The following ZFP28 variants were observed in gnomAD, a reference collection of about 807,000 sequenced individuals.
ZFP28 encodes the protein ZFP28 zinc finger protein, also known as zinc finger protein 28 homolog.
ZFP28 carries 31 observed loss-of-function variants against 39.5 expected under a neutral mutation model. The observed-to-expected ratio is 0.79, with a 90% CI of 0.59 to 1.06. ZFP28 has a LOEUF of 1.06. ZFP28 is among the 50% of genes least tolerant of loss of function. The probability of loss-of-function intolerance (pLI) is 0.00; values close to 1 mark genes in which losing one functional copy is unlikely to be tolerated. For missense variants in ZFP28, 925 were observed against 1,048.4 expected (o/e 0.88, Z 1.63); for synonymous variants, 400 against 378.6 (o/e 1.06, Z -0.66).
chr19:56,540,910 CAGT>C, intron 2 of ZFP28, among the ~76,000 whole-genome samples: 1 of 105,302 alleles, frequency 9.5e-6, no homozygotes, highest in Non-Finnish European at 1.9e-5. Flanking sequence ...GTTTTTGCCA[CAGT>C]TCTTACCTCC....
At chr19:56,551,781 CTCT>C (rs1166553959) in intron 7 of ZFP28, 1 of 983,936 alleles carries the variant, frequency 1.0e-6, no homozygotes, top group African/African-American at 1.8e-5. Context: ...TTTGGTTTTT[CTCT>C]TATCTTCTTG....
intron 2 of ZFP28, among the ~76,000 whole-genome samples, chr19:56,541,007 C>T (rs1369896667): frequency 6.6e-6 from 1 of 152,152 alleles, no homozygotes; most frequent in Non-Finnish European, 1.5e-5. Flanking sequence ...GGATAGTAGC[C>T]TGTTCCTTGT....
chr19:56,548,029 T>C (rs753339775), intron 4 of ZFP28, 127 bp downstream of exon 4: 57 of 796,786 alleles, frequency 7.2e-5, no homozygotes, highest in Non-Finnish European at 9.8e-5. Flanking sequence ...TTTTTACTAT[T>C]TGGGAATACA....
chr19:56,540,830 A>G (rs988372636), intron 2 of ZFP28, among the ~76,000 whole-genome samples: 3 of 152,164 alleles, frequency 2.0e-5, no homozygotes, highest in Admixed American at 2.0e-4. Context: ...CTGTCCTTCA[A>G]TAGGCCCCCT....
In ZFP28 at chr19:56,555,734, AG is replaced by A. The variant is rs1259932943; in HGVS notation, c.*343del. ...TCTATCAGGAACAGAATTCTCCAGT[AG>A]TGGGTGAGGTTTTGCCTTTGTTGGT... On this transcript the variant is annotated 3_prime_UTR_variant, in exon 8 of 8. Transcript: ENST00000301318. The A allele has an allele frequency of 1.4e-5, 3 of 212,632 alleles. No homozygotes were observed. The highest frequency in any genetic ancestry group is 2.8e-5 in the Non-Finnish European group (3 of 108,516). The allele number at this position is 212,632 out of a possible 1,614,324, so 13.2% of individuals were successfully genotyped here. A position where few individuals can be genotyped will look rare whatever the true frequency, so the allele number is the denominator to read the frequency against.
At chr19:56,550,486 C>G (rs1405257484) in intron 6 of ZFP28, 24 bp from the exon 7 acceptor site, 3 of 1,605,234 alleles carry the variant, frequency 1.9e-6, no homozygotes, top group East Asian at 2.2e-5. Flanking sequence ...ATTGGCCAAA[C>G]CTCATCTCTT....
rs746413646 is a variant in ZFP28 at position 56,555,426 on chromosome 19, C to T, written c.*34C>T. On this transcript the variant is annotated 3_prime_UTR_variant, in exon 8 of 8. Coordinates refer to ENST00000301318, the MANE Select transcript of ZFP28 (RefSeq NM_020828.2). ...CGTCATTTCTGTTTGACTACTCCAG[C>T]AGTTTAAAACCCCATCTCCCTGCCC... 3.9e-6 allele frequency: 6 copies of T among 1,555,676 alleles called. No homozygotes were observed. Among genetic ancestry groups the T allele is most frequent in the Non-Finnish European group, 5.2e-6 (6 of 1,154,542 alleles).
chr19:56,550,261 G>T, intron 6 of ZFP28, 80 bp downstream of exon 6: 1 of 1,348,652 alleles, frequency 7.4e-7, no homozygotes. Context: ...TTATGGAGGA[G>T]GGAGGGGGTG....
chr19:56,540,442 C>T (rs1173041200), intron 2 of ZFP28, among the ~76,000 whole-genome samples: 2 of 152,188 alleles, frequency 1.3e-5, no homozygotes, highest in African/African-American at 4.8e-5. Context: ...TCATAGCTAG[C>T]TCATTAATAG....
At position 56,554,895 on chromosome 19, in the gene ZFP28, A is replaced by T; in HGVS notation, c.2110A>T (p.Met704Leu). 2 of 1,614,160 alleles carry T rather than the reference A, an allele frequency of 1.2e-6. No homozygotes were observed. Among genetic ancestry groups the T allele is most frequent in the Non-Finnish European group, 1.7e-6 (2 of 1,180,012 alleles). The stretch of plus-strand genomic sequence containing the variant: ...CACTGGTGAGAAACCCTATAAATGT[A>T]TGGAATGTGGGAAGGCCTTTGGTGA... ...VHTGEKPYKC[M>L]ECGKAFGDNS... is the part of the protein sequence containing the mutation. The change falls in exon 8 of 8, where the codon ATG (methionine) becomes TTG (leucine). Residue 704 changes from methionine to leucine, a missense_variant. This residue lies in a region of ZFP28 where 369 missense variants were observed against 505.5 expected (regional missense o/e 0.73). Coordinates refer to ENST00000301318, the MANE Select transcript of ZFP28 (RefSeq NM_020828.2). The surrounding 1 kb of genome is among the most constrained non-coding windows in gnomAD (Gnocchi z 6.7).
chr19:56,543,611 T>C (rs894513114), intron 2 of ZFP28, among the ~76,000 whole-genome samples: 8 of 152,200 alleles, frequency 5.3e-5, no homozygotes, highest in African/African-American at 1.9e-4. Flanking sequence ...CAGATGCCTA[T>C]ATCAGGAGTA....
chr19:56,542,927 A>G (rs566587235), intron 2 of ZFP28, among the ~76,000 whole-genome samples: 1 of 152,270 alleles, frequency 6.6e-6, no homozygotes, highest in South Asian at 2.1e-4. Flanking sequence ...CACCATGCCC[A>G]GCCCCTGATT....
In ZFP28 at chr19:56,547,474, C is replaced by G. The variant is rs1197577769; in HGVS notation, c.301-34C>G. ...CCCCAGTCATGTGGGGGCATGAGCACTGGTTGAGCAAGAACATGGTTATAT... is the reference window on the plus strand; with the variant it reads ...CCCCAGTCATGTGGGGGCATGAGCAGTGGTTGAGCAAGAACATGGTTATAT... On this transcript the variant is annotated intron_variant, in intron 2 of 7. Transcript: ENST00000301318. This position sits in a 1 kb window ranked among gnomAD's most constrained non-coding sequence, Gnocchi z 4.6. 6.2e-7 allele frequency: 1 copy of G among 1,614,060 alleles called. No homozygotes were observed.
chr19:56,539,801 G>GT (rs2044179054), intron 2 of ZFP28, 85 bp downstream of exon 2: 1 of 1,265,182 alleles, frequency 7.9e-7, no homozygotes, highest in African/African-American at 1.5e-5. Context: ...AAAGTTTTCA[G>GT]TTTAAGAGAC....
Position 56,554,984 on chromosome 19 carries a change from G to A in ZFP28, c.2199G>A (p.Glu733=). 3.1e-6 allele frequency: 5 copies of A among 1,614,120 alleles called. No homozygotes were observed. The highest frequency in any genetic ancestry group is 4.2e-6 in the Non-Finnish European group (5 of 1,180,030). ...HTGQRPYECI[E]CGKAFKTKSS... is the part of the protein sequence containing the mutation. ...GCCAAAGACCTTATGAATGTATTGA[G>A]TGTGGAAAGGCATTCAAGACAAAAT... The change falls in exon 8 of 8, where the codon GAG becomes GAA. Residue 733 remains glutamate (E), a synonymous_variant. Transcript: ENST00000301318. This position sits in a 1 kb window ranked among gnomAD's most constrained non-coding sequence, Gnocchi z 6.7.
At chr19:56,551,872 T>C in intron 7 of ZFP28, 2 of 982,504 alleles carry the variant, frequency 2.0e-6, no homozygotes, top group Non-Finnish European at 2.4e-6. Flanking sequence ...CTGCTATGTA[T>C]ATAAGCATAC....
rs2044182199 is a variant in ZFP28 at position 56,540,056 on chromosome 19, A to G, written c.300+340A>G. ...GCTATACATGGTTTGTTTGGTGACC[A>G]CTTTGTGCCAGCCACTGAGCAAACC... On this transcript the variant is annotated intron_variant, in intron 2 of 7. Transcript: ENST00000301318. 4.6e-5 allele frequency among the ~76,000 whole-genome samples: 7 copies of G among 152,314 alleles called. 1 individual carries two copies. The highest frequency in any genetic ancestry group is 4.6e-4 in the Admixed American group (7 of 15,296).
At position 56,547,734 on chromosome 19, in the gene ZFP28, C is replaced by T. The variant is rs1296866458; in HGVS notation, c.428-73C>T. On this transcript the variant is annotated intron_variant, in intron 3 of 7. Transcript: ENST00000301318. The surrounding 1 kb of genome is among the most constrained non-coding windows in gnomAD (Gnocchi z 4.6). Reference sequence around the variant, plus strand: ...CACCCAGACCTGCACTGCCCTCTTGCGTCAAGCCAAGGGGACTGCATCTCA... The same window carrying T: ...CACCCAGACCTGCACTGCCCTCTTGTGTCAAGCCAAGGGGACTGCATCTCA... 3.1e-6 allele frequency: 5 copies of T among 1,599,510 alleles called. No individual in the cohort carries two copies. Among genetic ancestry groups the T allele is most frequent in the African/African-American group, 2.7e-5 (2 of 74,512 alleles).
intron 7 of ZFP28, chr19:56,552,129 G>T: frequency 7.7e-6 from 4 of 517,962 alleles, no homozygotes; most frequent in Non-Finnish European, 9.9e-6. Context: ...TTACTGTTGA[G>T]TATATTTAAA....
Sources: allele counts gnomAD v4.1 joint callset (sites outside exome capture counted in the v4.1 genomes callset), GRCh38; gene constraint gnomAD v4.1.1; regional missense constraint gnomAD v4.1.1; non-coding constraint Gnocchi (gnomAD v3.1); transcripts MANE v1.5; gene names NCBI Gene and HGNC (gene_info 2026-07-23, HGNC 2026-07-21).